The following PHRF1 variants were observed in gnomAD, a reference collection of about 807,000 sequenced individuals.
PHRF1 encodes PHD and ring finger domains 1.
Under a neutral mutation model 128.9 loss-of-function variants are expected in PHRF1, and 53 were observed. The ratio of observed to expected loss-of-function variants is 0.41; its 90% CI spans 0.33 to 0.52. The LOEUF is 0.52. PHRF1 is among the 20% of genes least tolerant of loss of function. The probability of loss-of-function intolerance (pLI) is 0.21; values close to 1 mark genes in which losing one functional copy is unlikely to be tolerated. For synonymous variants in PHRF1, 1,178 were observed against 980.6 expected (o/e 1.20, Z -3.76); for missense variants, 2,503 against 2,284.5 (o/e 1.10, Z -1.95).
chr11:577,024 C>T (rs1210087959), intron 1 of PHRF1, among the ~76,000 whole-genome samples: 2 of 152,210 alleles, frequency 1.3e-5, no homozygotes, highest in South Asian at 2.1e-4. Flanking sequence ...TGCGAGTCCG[C>T]CCTGCCGCGT....
At chr11:588,504 C>T (rs59362784) in intron 4 of PHRF1, among the ~76,000 whole-genome samples, 5,969 of 152,052 alleles carry the variant, frequency 0.039, 405 homozygotes, top group African/African-American at 0.14. Flanking sequence ...CTCAGCCTCC[C>T]GCGTAGCTGG....
At chr11:602,340 C>G (rs539273303) in intron 10 of PHRF1, among the ~76,000 whole-genome samples, 1 of 152,138 alleles carries the variant, frequency 6.6e-6, no homozygotes, top group African/African-American at 2.4e-5. Flanking sequence ...CTAAATGTAT[C>G]ACCTTGTCCA....
At chr11:587,605 C>T (rs1854647960) in intron 4 of PHRF1, 141 bp downstream of exon 4, 2 of 859,820 alleles carry the variant, frequency 2.3e-6, no homozygotes, top group Non-Finnish European at 3.6e-6. Flanking sequence ...TTGAGTCTGG[C>T]TTGGTCTTTG....
At position 609,599 on chromosome 11, in the gene PHRF1, A is replaced by G. The variant is rs777425953; in HGVS notation, c.4143A>G (p.Ala1381=). The change falls in exon 14 of 18, where the codon GCA becomes GCG. Residue 1381 remains alanine (A), a synonymous_variant. Coordinates refer to ENST00000264555, the MANE Select transcript of PHRF1 (RefSeq NM_001286581.2). ...SPSASGRVQE[A]ARPEEVVSQT... ...CTGCGAGTGGGAGGGTACAGGAGGCAGCCCGGCCTGAGGAGGTGGTTTCGC... is the reference window on the plus strand; with the variant it reads ...CTGCGAGTGGGAGGGTACAGGAGGCGGCCCGGCCTGAGGAGGTGGTTTCGC... 1.4e-5 allele frequency: 22 copies of G among 1,593,868 alleles called. No individual in the cohort carries two copies. Among genetic ancestry groups the G allele is most frequent in the Non-Finnish European group, 1.8e-5 (21 of 1,171,762 alleles).
Position 606,502 on chromosome 11 carries a change from G to T in PHRF1, c.1515G>T (p.Leu505=), listed in dbSNP as rs1405764094. 6.2e-7 allele frequency: 1 copy of T among 1,605,956 alleles called. No individual in the cohort carries two copies. Among genetic ancestry groups the T allele is most frequent in the South Asian group, 1.1e-5 (1 of 89,994 alleles). Residue 505 remains leucine (L), a synonymous_variant, in exon 13 of 18, where the codon CTG becomes CTT. Transcript: ENST00000264555. ...PDLEEEPVPD[L]LGSILSGQSL... is the part of the protein sequence containing the mutation. ...TGGAGGAGGAGCCAGTGCCTGACCT[G>T]CTGGGCAGCATCCTGTCGGGCCAGA...
intron 1 of PHRF1, among the ~76,000 whole-genome samples, chr11:576,982 C>G (rs1003516795): frequency 1.3e-5 from 2 of 152,106 alleles, no homozygotes; most frequent in African/African-American, 4.8e-5. Flanking sequence ...AGCCCACTCG[C>G]CTCGCTCTGT....
chr11:581,373 C>T (rs1854191573), intron 1 of PHRF1, 119 bp from the exon 2 acceptor site: 3 of 768,452 alleles, frequency 3.9e-6, no homozygotes, highest in Non-Finnish European at 6.4e-6. Flanking sequence ...TCACTCTTCA[C>T]GTGCTGTGGC....
At position 608,059 on chromosome 11, in the gene PHRF1, C is replaced by G; in HGVS notation, c.2603C>G (p.Pro868Arg). 1 of 1,611,572 alleles carries G rather than the reference C, an allele frequency of 6.2e-7. No individual in the cohort carries two copies. The highest frequency in any genetic ancestry group is 8.5e-7 in the Non-Finnish European group (1 of 1,179,866). Reference protein sequence around the residue: ...EITRTISINSPKAQTVQAVRC... With the variant: ...EITRTISINSRKAQTVQAVRC... ...ACACGAACCATCTCCATCAACAGCC[C>G]GAAGGCCCAGACGGTGCAGGCTGTG... The change falls in exon 14 of 18, where the codon CCG becomes CGG. Residue 868 changes from proline to arginine, a missense_variant. Pro to Arg is a moderately radical substitution (Grantham distance 103). Coordinates refer to ENST00000264555, the MANE Select transcript of PHRF1 (RefSeq NM_001286581.2).
In PHRF1 at chr11:608,993, G is replaced by T; in HGVS notation, c.3537G>T (p.Arg1179=). ...GGGCACGGGAGCACAGGCGGCCTCG[G>T]TCCCGTGAGAAGTGGCCGCAGACCC... ...EHRAREHRRP[R]SREKWPQTRS... The change falls in exon 14 of 18, where the codon CGG becomes CGT. Residue 1179 remains arginine, a synonymous_variant. Coordinates refer to ENST00000264555, the MANE Select transcript of PHRF1 (RefSeq NM_001286581.2). 6.2e-7 allele frequency: 1 copy of T among 1,604,654 alleles called. No individual in the cohort carries two copies. The highest frequency in any genetic ancestry group is 8.5e-7 in the Non-Finnish European group (1 of 1,176,560).
intron 9 of PHRF1, among the ~76,000 whole-genome samples, chr11:600,494 AT>A (rs1306878195): frequency 4.0e-3 from 66 of 16,656 alleles, no homozygotes; most frequent in East Asian, 0.033. Context: ...GTCTCCAAAA[AT>A]ATATATATAT....
At chr11:595,907 G>T (rs1039952859) in intron 6 of PHRF1, among the ~76,000 whole-genome samples, 4 of 152,222 alleles carry the variant, frequency 2.6e-5, no homozygotes, top group African/African-American at 9.6e-5. Flanking sequence ...CCCTCTGCTG[G>T]CCTGGCAGGG....
intron 8 of PHRF1, 70 bp from the exon 9 acceptor site, chr11:598,303 C>T (rs1224864284): frequency 3.2e-6 from 5 of 1,540,888 alleles, no homozygotes; most frequent in African/African-American, 2.7e-5. Flanking sequence ...GTTCTGGGCT[C>T]CATTTGGGGT....
chr11:588,787 A>G (rs1854745979), intron 4 of PHRF1, among the ~76,000 whole-genome samples: 2 of 152,068 alleles, frequency 1.3e-5, no homozygotes, highest in Admixed American at 1.3e-4. Context: ...TCTGGCATTT[A>G]TTAGATAAAT....
chr11:580,408 A>G (rs1173904282), intron 1 of PHRF1, among the ~76,000 whole-genome samples: 1 of 152,154 alleles, frequency 6.6e-6, no homozygotes, highest in Non-Finnish European at 1.5e-5. Context: ...CTGACGGGTC[A>G]GGGCCTTGAG....
chr11:603,408 C>T (rs1339591565), intron 10 of PHRF1, among the ~76,000 whole-genome samples: 1 of 152,128 alleles, frequency 6.6e-6, no homozygotes, highest in African/African-American at 2.4e-5. Flanking sequence ...TCCTGGCTCA[C>T]TGCACCCGCC....
chr11:584,664 A>G (rs1284800085), intron 3 of PHRF1, among the ~76,000 whole-genome samples: 1 of 141,270 alleles, frequency 7.1e-6, no homozygotes, highest in Non-Finnish European at 1.5e-5. Context: ...AAGGAAGGGG[A>G]TGGGAAGGCA....
At chr11:593,484 C>T (rs1027726157) in intron 6 of PHRF1, among the ~76,000 whole-genome samples, 6 of 152,228 alleles carry the variant, frequency 3.9e-5, no homozygotes, top group Non-Finnish European at 5.9e-5. Context: ...TGCTCTGTGG[C>T]GGGTGGTCCC....
chr11:586,822 G>T (rs1193636426), intron 3 of PHRF1, among the ~76,000 whole-genome samples: 3 of 152,100 alleles, frequency 2.0e-5, no homozygotes, highest in African/African-American at 7.2e-5. Context: ...GAGGGTTTGT[G>T]GTCCTCATGC....
Position 597,132 on chromosome 11 carries a change from A to T in PHRF1, c.718+112A>T, listed in dbSNP as rs1855328452. 1.7e-6 allele frequency: 2 copies of T among 1,189,472 alleles called. No individual in the cohort carries two copies. The highest frequency in any genetic ancestry group is 2.8e-5 in the South Asian group (2 of 71,510). 73.7% of individuals were successfully genotyped at this position (1,189,472 alleles called of 1,614,324 possible). ...TGGGGAGGACATCTAGGGCTGTCTC[A>T]TGGGGGTTAGGGTTGGCTGCGGTGT... On this transcript the variant is annotated intron_variant, in intron 7 of 17. Coordinates refer to ENST00000264555, the MANE Select transcript of PHRF1 (RefSeq NM_001286581.2). This position sits in a 1 kb window ranked among gnomAD's most constrained non-coding sequence, Gnocchi z 6.5.
Sources: allele counts gnomAD v4.1 joint callset (sites outside exome capture counted in the v4.1 genomes callset), GRCh38; gene constraint gnomAD v4.1.1; non-coding constraint Gnocchi (gnomAD v3.1); transcripts MANE v1.5; gene names NCBI Gene and HGNC (gene_info 2026-07-23, HGNC 2026-07-21).